Variants in CBLB observed in about 807,000 individuals in gnomAD.
CBLB encodes Cbl proto-oncogene B, also known as E3 ubiquitin-protein ligase CBL-B.
CBLB carries 31 observed loss-of-function variants against 104.9 expected under a neutral mutation model. The observed-to-expected ratio is 0.30, with a 90% CI of 0.22 to 0.40. The LOEUF is 0.40. Ranked by LOEUF, CBLB falls within the 10% of genes least tolerant of loss-of-function variation. The probability of loss-of-function intolerance (pLI) is 1.00; values close to 1 mark genes in which losing one functional copy is unlikely to be tolerated. For synonymous variants in CBLB, 440 were observed against 422.6 expected (o/e 1.04, Z -0.51); for missense variants, 1,062 against 1,214.6 (o/e 0.87, Z 1.87).
Position 105,859,870 on chromosome 3 carries a change from TA to T in CBLB, c.169-6207del, listed in dbSNP as rs200629346. Among the ~76,000 whole-genome samples the T allele has an allele frequency of 3.3e-3, 500 of 152,152 alleles. 10 individuals carry two copies. In the East Asian group the frequency reaches 0.046, roughly 14 times the overall value. On this transcript the variant is annotated intron_variant, in intron 2 of 18. Transcript: ENST00000394030. ...ATGTATTTTACTAAGTATAAAAATG[TA>T]CAGTGTAAAAAAGTATAAAAATACA...
At chr3:105,860,407 C>T (rs1339989513) in intron 2 of CBLB, among the ~76,000 whole-genome samples, 1 of 152,074 alleles carries the variant, frequency 6.6e-6, no homozygotes, top group Non-Finnish European at 1.5e-5. Context: ...TGATTTACTT[C>T]CTTTGGAAAA....
intron 17 of CBLB, chr3:105,673,403 TC>T (rs1268307108): frequency 6.6e-6 from 1 of 152,064 alleles, no homozygotes; most frequent in Non-Finnish European, 1.5e-5. Context: ...TTCTTCACTA[TC>T]TGAAACACTT....
rs969571531 is a variant in CBLB, at chr3:105,676,642, G to GA, written c.2569+1788dup. 1.1e-4 allele frequency among the ~76,000 whole-genome samples: 16 copies of GA among 151,878 alleles called. No individual in the cohort carries two copies. In the South Asian group the frequency reaches 2.7e-3, roughly 26 times the overall value. On this transcript the variant is annotated intron_variant, in intron 17 of 18. Transcript: ENST00000394030. ...GTATAAGACAAAGTTTTGAATAAGT[G>GA]AAAAAAAATAGCGAAATACAGCAGT...
At chr3:105,771,844 T>C (rs904230792) in intron 4 of CBLB, among the ~76,000 whole-genome samples, 3 of 152,106 alleles carry the variant, frequency 2.0e-5, no homozygotes, top group African/African-American at 7.2e-5. Flanking sequence ...GTGAAAGATC[T>C]CTAGAAGGAA....
chr3:105,860,946 A>T (rs2092031433), intron 2 of CBLB, among the ~76,000 whole-genome samples: 1 of 152,126 alleles, frequency 6.6e-6, no homozygotes, highest in Non-Finnish European at 1.5e-5. Context: ...GGGCTTTAAT[A>T]TTTTTTTAAA....
At chr3:105,800,812 G>A (rs2082769685) in intron 3 of CBLB, among the ~76,000 whole-genome samples, 1 of 150,774 alleles carries the variant, frequency 6.6e-6, no homozygotes, top group Admixed American at 6.6e-5. Context: ...GAAGAAAGAA[G>A]GAACAAAGTG....
chr3:105,793,204 T>C (rs547106155), intron 3 of CBLB, among the ~76,000 whole-genome samples: 4 of 152,024 alleles, frequency 2.6e-5, no homozygotes, highest in African/African-American at 9.7e-5. Context: ...AGAGAGTGAT[T>C]TGAAAGGAGC....
chr3:105,698,263 C>A (rs2068641951), intron 12 of CBLB, among the ~76,000 whole-genome samples: 1 of 152,030 alleles, frequency 6.6e-6, no homozygotes, highest in Non-Finnish European at 1.5e-5. Context: ...TCAGAGCTCT[C>A]TACAATTACC....
intron 3 of CBLB, among the ~76,000 whole-genome samples, chr3:105,786,973 G>A (rs2081100908): frequency 6.6e-6 from 1 of 152,122 alleles, no homozygotes; most frequent in Admixed American, 6.5e-5. Flanking sequence ...AACAGTTCAA[G>A]AGAACACTAA....
chr3:105,776,216 G>T (rs2079438320), intron 4 of CBLB, among the ~76,000 whole-genome samples, 180 bp downstream of exon 4: 1 of 151,598 alleles, frequency 6.6e-6, no homozygotes, highest in Admixed American at 6.6e-5. Flanking sequence ...AAAAACTATT[G>T]CATTATTGAG....
At chr3:105,826,096 G>GCTCCAGCATGACACAA (rs66469974) in intron 3 of CBLB, among the ~76,000 whole-genome samples, 119,793 of 151,478 alleles carry the variant, frequency 0.79, 48,173 homozygotes, top group Middle Eastern at 0.89. Flanking sequence ...GCATGACACG[G>GCTCCAGCATGACACAA]CTCCAGCATG....
At chr3:105,675,887 A>T (rs74341932) in intron 17 of CBLB, among the ~76,000 whole-genome samples, 1 of 147,962 alleles carries the variant, frequency 6.8e-6, no homozygotes, top group African/African-American at 2.4e-5. Context: ...CCTGTCTCAA[A>T]AAAAAAAAAA....
At chr3:105,732,129 T>C (rs2074382468) in intron 9 of CBLB, among the ~76,000 whole-genome samples, 2 of 152,230 alleles carry the variant, frequency 1.3e-5, no homozygotes, top group African/African-American at 4.8e-5. Context: ...GTTTAACACG[T>C]ATCCTGAAAC....
At chr3:105,823,864 TTCTTATAA>T in intron 3 of CBLB, among the ~76,000 whole-genome samples, 1 of 152,264 alleles carries the variant, frequency 6.6e-6, no homozygotes, top group Admixed American at 6.5e-5. Context: ...TGAGCTTCCA[TTCTTATAA>T]TGTCTCCATC....
chr3:105,802,693 A>T (rs1206536134), intron 3 of CBLB, among the ~76,000 whole-genome samples: 2 of 133,402 alleles, frequency 1.5e-5, no homozygotes, highest in Non-Finnish European at 3.2e-5. Context: ...ATCTAGACAC[A>T]CCTTCAATCT....
chr3:105,679,620 C>T (rs2066066663), intron 16 of CBLB, among the ~76,000 whole-genome samples: 1 of 151,786 alleles, frequency 6.6e-6, no homozygotes, highest in South Asian at 2.1e-4. Flanking sequence ...TGCTAAAATA[C>T]AAAAAATTAG....
chr3:105,779,438 T>C (rs1235275583), intron 3 of CBLB, among the ~76,000 whole-genome samples: 1 of 152,214 alleles, frequency 6.6e-6, no homozygotes, highest in African/African-American at 2.4e-5. Context: ...AAAAAATACA[T>C]TTTGCCTTTA....
At chr3:105,685,931 T>C (rs990627184) in intron 13 of CBLB, among the ~76,000 whole-genome samples, 1 of 152,172 alleles carries the variant, frequency 6.6e-6, no homozygotes, top group Non-Finnish European at 1.5e-5. Flanking sequence ...TATCTATAGT[T>C]GGAAAAATAT....
rs770518918 is a variant in CBLB, at chr3:105,746,026, T to C, written c.736A>G (p.Ile246Val). The change falls in exon 6 of 19, where the codon ATT (isoleucine) becomes GTT (valine). Residue 246 changes from isoleucine (I) to valine (V), a missense_variant. By Grantham distance (29) the Ile-to-Val change is conservative. This residue lies in a region of CBLB where 457 missense variants were observed against 632.0 expected (regional missense o/e 0.72). Transcript: ENST00000394030. ...GCTAAGAAATTCCAATTCCGCAAAA[T>C]AGAGCCCCAAGGCTAAAAAATAAAA... is the stretch of plus-strand genomic sequence containing the variant. Reference protein sequence around the residue: ...FTRLFQPWGSILRNWNFLAVT... With the variant: ...FTRLFQPWGSVLRNWNFLAVT... The C allele has an allele frequency of 2.5e-6, 4 of 1,605,196 alleles. No individual in the cohort carries two copies. Among genetic ancestry groups the C allele is most frequent in the Non-Finnish European group, 3.4e-6 (4 of 1,172,072 alleles).
Sources: gnomAD v4.1 joint callset for allele counts (sites outside exome capture counted in the v4.1 genomes callset) on GRCh38, gnomAD v4.1.1 for gene constraint, gnomAD v4.1.1 regional missense constraint, MANE v1.5 for transcripts, NCBI Gene and HGNC (gene_info 2026-07-23, HGNC 2026-07-21) for gene names.